SEMA5A: variants seen among roughly 807,000 people sequenced by gnomAD.
The protein encoded by SEMA5A is semaphorin 5A, also known as semaphorin-5A.
Under a neutral mutation model 135.5 loss-of-function variants are expected in SEMA5A, and 55 were observed. The observed-to-expected ratio is 0.41, with a 90% confidence interval of 0.33 to 0.51. The LOEUF is 0.51. Among genes scored for constraint, SEMA5A ranks in the 20% least tolerant of loss-of-function variants. The probability of loss-of-function intolerance (pLI) is 0.37; values close to 1 mark genes in which losing one functional copy is unlikely to be tolerated. For synonymous variants in SEMA5A, 580 were observed against 546.5 expected (o/e 1.06, Z -0.85); for missense variants, 1,290 against 1,419.9 (o/e 0.91, Z 1.47).
chr5:9,236,657 T>G (rs1002514987), intron 6 of SEMA5A, among the ~76,000 whole-genome samples: 2 of 152,208 alleles, frequency 1.3e-5, no homozygotes, highest in African/African-American at 2.4e-5. Flanking sequence ...TTAAATCTCC[T>G]TATATCTCTG....
intron 3 of SEMA5A, among the ~76,000 whole-genome samples, chr5:9,378,141 T>C (rs762894133): frequency 6.6e-6 from 1 of 152,046 alleles, no homozygotes; most frequent in Non-Finnish European, 1.5e-5. Flanking sequence ...ATCTTATTCA[T>C]CCCCTTTGGA....
intron 8 of SEMA5A, among the ~76,000 whole-genome samples, chr5:9,216,749 T>G (rs1014348567): frequency 1.3e-5 from 2 of 152,210 alleles, no homozygotes; most frequent in South Asian, 4.1e-4. Flanking sequence ...TGTCTTTGTC[T>G]TTTTGATCTT....
chr5:9,122,566 A>G, intron 14 of SEMA5A, 90 bp downstream of exon 14: 1 of 1,286,594 alleles, frequency 7.8e-7, no homozygotes, highest in South Asian at 2.3e-5. Flanking sequence ...TCTCTCCAAA[A>G]GGGAGTTATA....
chr5:9,338,026 A>C (rs1753473472), intron 3 of SEMA5A, among the ~76,000 whole-genome samples: 1 of 152,102 alleles, frequency 6.6e-6, no homozygotes, highest in African/African-American at 2.4e-5. Flanking sequence ...CCACCCAATA[A>C]AGAGCAAGCG....
At chr5:9,085,976 T>C (rs1424409303) in intron 16 of SEMA5A, among the ~76,000 whole-genome samples, 1 of 152,204 alleles carries the variant, frequency 6.6e-6, no homozygotes, top group Non-Finnish European at 1.5e-5. Flanking sequence ...GGAGATCATT[T>C]TGGAGCTTTA....
chr5:9,417,957 G>A (rs545625000), intron 2 of SEMA5A, among the ~76,000 whole-genome samples: 1 of 150,248 alleles, frequency 6.7e-6, no homozygotes, highest in East Asian at 2.0e-4. Context: ...GAGCACAGGA[G>A]CAAGTTCTCC....
intron 5 of SEMA5A, among the ~76,000 whole-genome samples, chr5:9,316,774 CTTTA>C (rs1386726883): frequency 1.3e-5 from 2 of 151,892 alleles, no homozygotes; most frequent in Admixed American, 6.6e-5. Context: ...ATCTCACATA[CTTTA>C]TTTATTTATT....
chr5:9,292,929 C>G (rs796224992), intron 5 of SEMA5A, among the ~76,000 whole-genome samples: 14 of 152,236 alleles, frequency 9.2e-5, no homozygotes, highest in African/African-American at 3.4e-4. Context: ...GACAGAACCC[C>G]CATGACCAAG....
intron 12 of SEMA5A, among the ~76,000 whole-genome samples, chr5:9,146,023 A>C (rs1021587268): frequency 2.6e-5 from 4 of 152,116 alleles, no homozygotes; most frequent in African/African-American, 9.7e-5. Flanking sequence ...ATAGATTTTC[A>C]AACTTTACCC....
intron 5 of SEMA5A, among the ~76,000 whole-genome samples, chr5:9,288,317 G>A (rs1310908024): frequency 2.0e-5 from 3 of 152,216 alleles, no homozygotes; most frequent in Non-Finnish European, 4.4e-5. Context: ...GGAGAGCCAG[G>A]TGGGTGTGGC....
intron 12 of SEMA5A, among the ~76,000 whole-genome samples, chr5:9,144,678 C>G (rs1560958569): frequency 6.6e-6 from 1 of 152,138 alleles, no homozygotes; most frequent in Admixed American, 6.5e-5. Context: ...TGCCTGAATC[C>G]CAGTTGCTCT....
chr5:9,450,901 T>C (rs1281480881), intron 1 of SEMA5A, among the ~76,000 whole-genome samples: 1 of 152,232 alleles, frequency 6.6e-6, no homozygotes, highest in African/African-American at 2.4e-5. Flanking sequence ...TAGCTCACAC[T>C]TAGAATTCTC....
chr5:9,142,313 G>A (rs186728657), intron 12 of SEMA5A, among the ~76,000 whole-genome samples: 1 of 152,144 alleles, frequency 6.6e-6, no homozygotes, highest in Non-Finnish European at 1.5e-5. Context: ...TTTGCAGAGA[G>A]ATCAGCTTGG....
In SEMA5A at chr5:9,062,911, C is replaced by G. The variant is rs1157041379; in HGVS notation, c.2494G>C (p.Glu832Gln). ...CCTGGGCAGGGCAAAATGTTGCATT[C>G]CTGGTATTCCAGAGATGGGCCAAGG... The part of the protein sequence containing the change: ...PCLGPSLEYQ[E>Q]CNILPCPVDG... Residue 832 changes from glutamate (E) to glutamine (Q), a missense_variant, in exon 18 of 23, where the codon GAA becomes CAA. By Grantham distance (29) the Glu-to-Gln change is conservative. Transcript: ENST00000382496. 6.2e-7 allele frequency: 1 copy of G among 1,614,228 alleles called. No homozygotes were observed. The highest frequency in any genetic ancestry group is 8.5e-7 in the Non-Finnish European group (1 of 1,180,042).
At chr5:9,384,661 TATAG>T (rs1256520054) in intron 2 of SEMA5A, among the ~76,000 whole-genome samples, 9 of 66,496 alleles carry the variant, frequency 1.4e-4, no homozygotes, top group South Asian at 8.7e-4. Context: ...GATAGATAGA[TATAG>T]ATAGATAGAT....
intron 2 of SEMA5A, among the ~76,000 whole-genome samples, chr5:9,427,309 C>CG (rs148416839): frequency 0.018 from 2,711 of 151,480 alleles, 41 homozygotes; most frequent in Middle Eastern, 0.048. Flanking sequence ...GACTCTGTCT[C>CG]GGGGGGGAAA....
intron 3 of SEMA5A, 110 bp from the exon 4 acceptor site, chr5:9,337,922 G>T (rs1284053131): frequency 4.1e-6 from 3 of 723,098 alleles, no homozygotes; most frequent in African/African-American, 3.6e-5. Context: ...AGAGGATTCG[G>T]AGGTCCCTCT....
At chr5:9,176,502 T>C (rs1222884530) in intron 11 of SEMA5A, among the ~76,000 whole-genome samples, 2 of 152,182 alleles carry the variant, frequency 1.3e-5, no homozygotes, top group Non-Finnish European at 2.9e-5. Context: ...TCCAGGACCA[T>C]GGAAATTGTG....
In SEMA5A at chr5:9,407,214, C is replaced by A. The variant is rs80296546; in HGVS notation, c.-77-27191G>T. Among the ~76,000 whole-genome samples, 1,031 of 152,264 alleles carry A rather than the reference C, an allele frequency of 6.8e-3. 15 individuals carry two copies. Among genetic ancestry groups the A allele is most frequent in the African/African-American group, 0.024 (986 of 41,538 alleles). On this transcript the variant is annotated intron_variant, in intron 2 of 22. Transcript: ENST00000382496. Reference sequence around the variant, plus strand: ...AGGACCACTGCTGTATACAAAGATACAATCTACAAAAAGAGTATGTAACAA... The same window carrying A: ...AGGACCACTGCTGTATACAAAGATAAAATCTACAAAAAGAGTATGTAACAA...
Sources: gnomAD v4.1 joint callset for allele counts (sites outside exome capture counted in the v4.1 genomes callset) on GRCh38, gnomAD v4.1.1 for gene constraint, MANE v1.5 for transcripts, NCBI Gene and HGNC (gene_info 2026-07-23, HGNC 2026-07-21) for gene names.